TCEA3: variants seen among roughly 807,000 people sequenced by gnomAD.
TCEA3 encodes transcription elongation factor A protein 3.
A neutral mutation model predicts 44.0 loss-of-function variants in TCEA3; 36 were observed. The ratio of observed to expected loss-of-function variants is 0.82; its 90% confidence interval spans 0.63 to 1.08. The LOEUF (loss-of-function observed/expected upper bound fraction) is 1.08, where lower values mean the gene tolerates loss of function less well. Among genes scored for constraint, TCEA3 ranks in the 50% least tolerant of loss-of-function variants. TCEA3 has a pLI of 0.00. For missense variants in TCEA3, 392 were observed against 441.2 expected (o/e 0.89, Z 1.00); for synonymous variants, 162 against 159.7 (o/e 1.01, Z -0.11).
chr1:23,390,333 G>T (rs933340762), intron 8 of TCEA3, among the ~76,000 whole-genome samples: 11 of 152,130 alleles, frequency 7.2e-5, no homozygotes, highest in Non-Finnish European at 1.5e-4. Context: ...GCCAGGCATG[G>T]TTACATGGTT....
intron 5 of TCEA3, among the ~76,000 whole-genome samples, chr1:23,402,278 T>C (rs147242959): frequency 6.6e-6 from 1 of 152,280 alleles, no homozygotes; most frequent in African/African-American, 2.4e-5. Context: ...AGGTGGAGGC[T>C]GTAGTGAGCT....
chr1:23,384,604 C>T (rs1397721006), intron 9 of TCEA3, among the ~76,000 whole-genome samples, 187 bp from the exon 10 acceptor site: 1 of 151,630 alleles, frequency 6.6e-6, no homozygotes, highest in African/African-American at 2.4e-5. Context: ...CTCTGGCAGG[C>T]AGTCCATCAG....
chr1:23,418,309 C>T (rs536165271), intron 2 of TCEA3: 1 of 355,480 alleles, frequency 2.8e-6, no homozygotes, highest in East Asian at 5.0e-5. Context: ...CCATTCCCAA[C>T]CCTCTAGTGT....
chr1:23,418,141 C>G, intron 2 of TCEA3, 132 bp from the exon 3 acceptor site: 1 of 856,574 alleles, frequency 1.2e-6, no homozygotes, highest in Non-Finnish European at 1.9e-6. Context: ...CTAGCCCTGA[C>G]TCCTGGCTGA....
At chr1:23,401,184 A>G (rs1289818010) in intron 5 of TCEA3, among the ~76,000 whole-genome samples, 1 of 152,058 alleles carries the variant, frequency 6.6e-6, no homozygotes, top group African/African-American at 2.4e-5. Flanking sequence ...CTTTCACCCC[A>G]GACCCCTGGA....
At chr1:23,412,478 G>A (rs567277534) in intron 4 of TCEA3, among the ~76,000 whole-genome samples, 5 of 151,918 alleles carry the variant, frequency 3.3e-5, no homozygotes, top group African/African-American at 1.2e-4. Context: ...TGAGGTGGGC[G>A]GATCACTTGA....
chr1:23,384,996 T>G (rs1401970983), intron 9 of TCEA3, among the ~76,000 whole-genome samples: 5 of 152,028 alleles, frequency 3.3e-5, no homozygotes, highest in Non-Finnish European at 7.4e-5. Flanking sequence ...GGCTTAGCGG[T>G]CTAGTTCATC....
chr1:23,401,731 C>T (rs1200538398), intron 5 of TCEA3, among the ~76,000 whole-genome samples: 2 of 152,172 alleles, frequency 1.3e-5, no homozygotes, highest in Admixed American at 6.5e-5. Context: ...GATCAAGTCA[C>T]TCCCCTGCCT....
At chr1:23,420,577 TG>T (rs1234306150) in intron 1 of TCEA3, among the ~76,000 whole-genome samples, 1 of 152,230 alleles carries the variant, frequency 6.6e-6, no homozygotes, top group Non-Finnish European at 1.5e-5. Flanking sequence ...CACCGGTTGA[TG>T]GGACTTATGG....
At chr1:23,393,274 C>G (rs1304153526) in intron 8 of TCEA3, among the ~76,000 whole-genome samples, 2 of 152,148 alleles carry the variant, frequency 1.3e-5, no homozygotes, top group African/African-American at 4.8e-5. Flanking sequence ...CCACTGCTCA[C>G]CTCCTGTTGT....
Position 23,424,596 on chromosome 1 carries a change from T to G in TCEA3, c.38A>C (p.Lys13Thr). ...QEEELLRIAK[K>T]LEKMVARKNT... ...CTTCCTGGCCACCATCTTCTCCAGC[T>G]TTTTGGCGATCCTCAGCAGCTCCTC... is the stretch of plus-strand genomic sequence containing the variant. The change falls in exon 1 of 11, where the codon AAG (lysine) becomes ACG (threonine). Residue 13 changes from lysine (K) to threonine (T), a missense_variant. Transcript: ENST00000450454. The G allele has an allele frequency of 1.9e-6, 3 of 1,608,450 alleles. No homozygotes were observed. Among genetic ancestry groups the G allele is most frequent in the Non-Finnish European group, 2.5e-6 (3 of 1,178,972 alleles).
chr1:23,422,749 C>A (rs1640101508), intron 1 of TCEA3, among the ~76,000 whole-genome samples: 2 of 152,144 alleles, frequency 1.3e-5, no homozygotes, highest in South Asian at 4.1e-4. Context: ...CCACAGGAAT[C>A]CATCTCCAAA....
At chr1:23,413,891 A>G (rs1639807567) in intron 4 of TCEA3, among the ~76,000 whole-genome samples, 1 of 151,606 alleles carries the variant, frequency 6.6e-6, no homozygotes, top group Admixed American at 6.6e-5. Flanking sequence ...AAAGGTTACA[A>G]AATAGTATAC....
chr1:23,399,669 CT>C (rs1216114957), intron 5 of TCEA3, among the ~76,000 whole-genome samples: 2,432 of 139,000 alleles, frequency 0.017, 40 homozygotes, highest in African/African-American at 0.051. Flanking sequence ...TGTGAGAAAC[CT>C]TTTTTTTTTT....
chr1:23,408,500 G>A (rs1639616747), intron 5 of TCEA3, 164 bp downstream of exon 5: 1 of 657,162 alleles, frequency 1.5e-6, no homozygotes, highest in Non-Finnish European at 2.6e-6. Context: ...CCCCAGGGCT[G>A]AAATGTGGAA....
rs1304368452 is a variant in TCEA3, at chr1:23,388,049, A to T, written c.820-630T>A. 2.6e-5 allele frequency among the ~76,000 whole-genome samples: 4 copies of T among 151,750 alleles called. No homozygotes were observed. In the East Asian group the frequency reaches 7.8e-4, roughly 30 times the overall value. On this transcript the variant is annotated intron_variant, in intron 8 of 10. Coordinates refer to ENST00000450454, the MANE Select transcript of TCEA3 (RefSeq NM_003196.3). ...ACAGTAGACACTCCGGGTCTGCATC[A>T]CCCACACCTTTGCTTTCTCTGTCCA...
Position 23,424,747 on chromosome 1 carries a change from A to G in TCEA3, c.-114T>C. On this transcript the variant is annotated 5_prime_UTR_variant, in exon 1 of 11. Coordinates refer to ENST00000450454, the MANE Select transcript of TCEA3 (RefSeq NM_003196.3). ...CCCGCGCGGGCCCCAAACACACACGACACACACGCCCGGCGGGGGCGGGGC... is the reference window on the plus strand; with the variant it reads ...CCCGCGCGGGCCCCAAACACACACGGCACACACGCCCGGCGGGGGCGGGGC... 1 of 688,172 alleles carries G rather than the reference A, an allele frequency of 1.5e-6. No individual in the cohort carries two copies. 42.6% of individuals were successfully genotyped at this position (688,172 alleles called of 1,614,324 possible).
Position 23,412,540 on chromosome 1 carries a change from TA to T in TCEA3, c.381-3815del, listed in dbSNP as rs554808383. ...CAACATGGAGAAACCCCTTCTCTAC[TA>T]AAAAAAAAATACAAAAATTAGCTGG... On this transcript the variant is annotated intron_variant, in intron 4 of 10. Transcript: ENST00000450454. Among the ~76,000 whole-genome samples the T allele has an allele frequency of 2.8e-3, 416 of 146,388 alleles. 1 individual carries two copies. The highest frequency in any genetic ancestry group is 4.1e-3 in the Non-Finnish European group (269 of 66,190).
rs1344005129 is a variant in TCEA3 at position 23,419,096 on chromosome 1, A to T, written c.113T>A (p.Met38Lys). Residue 38 changes from methionine to lysine, a missense_variant, in exon 2 of 11, where the codon ATG becomes AAG. By Grantham distance (95) the Met-to-Lys change is moderately conservative. Transcript: ENST00000450454. ...DLLKKLHSCQ[M>K]SIQLLQTTRI... ...CCCCACCTGTAGTAGCTGGATGGAC[A>T]TCTGGCAGCTGTGCAGCTTCTTCAG... is the stretch of plus-strand genomic sequence containing the variant. 1 of 1,418,216 alleles carries T rather than the reference A, an allele frequency of 7.1e-7. No individual in the cohort carries two copies. Among genetic ancestry groups the T allele is most frequent in the Admixed American group, 2.0e-5 (1 of 50,662 alleles). The allele number at this position is 1,418,216 out of a possible 1,614,324, so 87.9% of individuals were successfully genotyped here.
Sources: allele counts gnomAD v4.1 joint callset (sites outside exome capture counted in the v4.1 genomes callset), GRCh38; gene constraint gnomAD v4.1.1; transcripts MANE v1.5; gene names NCBI Gene and HGNC (gene_info 2026-07-23, HGNC 2026-07-21).